The following CBFA2T3 variants were observed in gnomAD, a reference collection of about 807,000 sequenced individuals.
The protein encoded by CBFA2T3 is transcriptional corepressor CBFA2T3.
A neutral mutation model predicts 58.6 loss-of-function variants in CBFA2T3; 31 were observed. The observed-to-expected ratio is 0.53, with a 90% CI of 0.40 to 0.71. The LOEUF (loss-of-function observed/expected upper bound fraction) is 0.71, where lower values mean the gene tolerates loss of function less well. CBFA2T3 is among the 30% of genes least tolerant of loss of function. The probability of loss-of-function intolerance (pLI) is 0.00; values close to 1 mark genes in which losing one functional copy is unlikely to be tolerated. For missense variants in CBFA2T3, 1,076 were observed against 963.1 expected (o/e 1.12, Z -1.55); for synonymous variants, 531 against 421.9 (o/e 1.26, Z -3.17).
chr16:88,932,999 T>C (rs1053873760), intron 1 of CBFA2T3, among the ~76,000 whole-genome samples: 7 of 151,996 alleles, frequency 4.6e-5, no homozygotes, highest in Admixed American at 2.6e-4. Context: ...AAAAGAAAAA[T>C]GGCCTCTTGG....
rs1240019746 is a variant in CBFA2T3 at position 88,881,562 on chromosome 16, G to A, written c.1204-73C>T. The A allele has an allele frequency of 6.2e-5, 92 of 1,483,434 alleles. 1 individual carries two copies. The South Asian group carries it at 1.0e-3, about 17-fold the overall frequency. 91.9% of individuals were successfully genotyped at this position (1,483,434 alleles called of 1,614,324 possible). A position where few individuals can be genotyped will look rare whatever the true frequency, so the allele number is the denominator to read the frequency against. ...CACCAGACACTCCCCCAGCCCACTCGGCCAGAGCCCCGGACAGGATGGGTG... is the reference window on the plus strand; with the variant it reads ...CACCAGACACTCCCCCAGCCCACTCAGCCAGAGCCCCGGACAGGATGGGTG... On this transcript the variant is annotated intron_variant, in intron 8 of 11. Coordinates refer to ENST00000268679, the MANE Select transcript of CBFA2T3 (RefSeq NM_005187.6).
chr16:88,942,563 AG>A (rs1243262753), intron 1 of CBFA2T3, among the ~76,000 whole-genome samples: 20 of 152,048 alleles, frequency 1.3e-4, no homozygotes, highest in African/African-American at 4.1e-4. Context: ...GAGCTGGCAG[AG>A]GAAGGGGACG....
chr16:88,914,967 G>T (rs1218568040), intron 1 of CBFA2T3, among the ~76,000 whole-genome samples: 3 of 151,360 alleles, frequency 2.0e-5, no homozygotes, highest in African/African-American at 7.3e-5. Context: ...GCCGCCCGCT[G>T]CCGGGGCGGG....
At chr16:88,921,098 C>T (rs1196839195) in intron 1 of CBFA2T3, among the ~76,000 whole-genome samples, 1 of 152,250 alleles carries the variant, frequency 6.6e-6, no homozygotes. Flanking sequence ...GCCTGCCCGG[C>T]TCTCACAGGG....
chr16:88,890,124 C>A (rs1047480835), intron 5 of CBFA2T3, among the ~76,000 whole-genome samples: 2 of 152,074 alleles, frequency 1.3e-5, no homozygotes, highest in African/African-American at 4.8e-5. Context: ...GACGATGCCC[C>A]GCGTGAATCT....
chr16:88,920,435 C>G (rs556900539), intron 1 of CBFA2T3, among the ~76,000 whole-genome samples: 2 of 148,580 alleles, frequency 1.3e-5, no homozygotes, highest in Non-Finnish European at 3.0e-5. Context: ...CACCACCATA[C>G]CCGGCCAATT....
intron 1 of CBFA2T3, among the ~76,000 whole-genome samples, chr16:88,928,212 C>G (rs781687178): frequency 6.6e-6 from 1 of 152,234 alleles, no homozygotes; most frequent in Non-Finnish European, 1.5e-5. Context: ...GTGGTTTGTT[C>G]GGCAGCACTG....
chr16:88,976,973 C>T lies in CBFA2T3; in HGVS notation c.-166G>A. 2.7e-6 allele frequency: 2 copies of T among 751,466 alleles called. No homozygotes were observed. The highest frequency in any genetic ancestry group is 4.0e-5 in the South Asian group (2 of 49,584). 46.5% of individuals were successfully genotyped at this position (751,466 alleles called of 1,614,324 possible). On this transcript the variant is annotated 5_prime_UTR_variant, in exon 1 of 12. An upstream open reading frame in the 5' UTR gains an earlier in-frame stop. Transcript: ENST00000268679. Reference sequence around the variant, plus strand: ...GGAAAGCCGAGGCCCTCCCGGCCACCAACTGGGTGTCCTCTGCCCTGGGGA... The same window carrying T: ...GGAAAGCCGAGGCCCTCCCGGCCACTAACTGGGTGTCCTCTGCCCTGGGGA...
chr16:88,877,296 C>T, intron 11 of CBFA2T3, 21 bp from the exon 12 acceptor site: 1 of 1,531,532 alleles, frequency 6.5e-7, no homozygotes, highest in Non-Finnish European at 8.8e-7. Flanking sequence ...GCAGAGGGGC[C>T]AGTCAGGGCT....
intron 1 of CBFA2T3, among the ~76,000 whole-genome samples, chr16:88,944,061 G>A (rs1219875176): frequency 6.6e-6 from 1 of 152,110 alleles, no homozygotes; most frequent in Non-Finnish European, 1.5e-5. Context: ...ACCACGGCCG[G>A]GTGCGGTGGG....
At chr16:88,905,570 C>T (rs7186718) in intron 1 of CBFA2T3, among the ~76,000 whole-genome samples, 8,784 of 151,448 alleles carry the variant, frequency 0.058, 431 homozygotes, top group African/African-American at 0.14. Context: ...AGAGGAAATG[C>T]CTCTTTGGGT....
At chr16:88,925,274 C>T (rs527394251) in intron 1 of CBFA2T3, among the ~76,000 whole-genome samples, 3 of 152,332 alleles carry the variant, frequency 2.0e-5, no homozygotes, top group South Asian at 2.1e-4. Context: ...CAGCCGCAGC[C>T]GTGGTGGCAG....
rs544409126 is a variant in CBFA2T3, at chr16:88,924,379, G to A, written c.152-22723C>T. On this transcript the variant is annotated intron_variant, in intron 1 of 11. Transcript: ENST00000268679. ...CCCTGGGGCCGCCGACCACAAGGAG[G>A]CTAGACTCTGCTGAGACAAAAGGAG... 2.6e-5 allele frequency among the ~76,000 whole-genome samples: 4 copies of A among 152,340 alleles called. No homozygotes were observed. In the South Asian group the frequency reaches 8.3e-4, roughly 32 times the overall value.
intron 1 of CBFA2T3, among the ~76,000 whole-genome samples, chr16:88,944,426 T>C: frequency 6.6e-6 from 1 of 151,424 alleles, no homozygotes. Context: ...CATCAGCATC[T>C]GGTGCCCCGA....
intron 2 of CBFA2T3, among the ~76,000 whole-genome samples, chr16:88,901,085 C>T (rs7205714): frequency 0.025 from 3,875 of 152,360 alleles, 63 homozygotes; most frequent in African/African-American, 0.046. Flanking sequence ...TATGACCCTG[C>T]GGAAGCCCCT....
At chr16:88,959,140 G>A (rs763230687) in intron 1 of CBFA2T3, among the ~76,000 whole-genome samples, 4 of 152,188 alleles carry the variant, frequency 2.6e-5, no homozygotes, top group South Asian at 4.1e-4. Context: ...GCGCTGAATC[G>A]TGTGCCCCCG....
chr16:88,916,621 G>A (rs1197872817), intron 1 of CBFA2T3, among the ~76,000 whole-genome samples: 3 of 151,254 alleles, frequency 2.0e-5, no homozygotes, highest in African/African-American at 7.3e-5. Flanking sequence ...GAAGGAAGAA[G>A]GGCGGCCCCT....
rs79785669 is a variant in CBFA2T3 at position 88,962,753 on chromosome 16, G to A, written c.151+13904C>T. The stretch of plus-strand genomic sequence containing the variant: ...ACGAACATGGGTGTCTTTAGATGTC[G>A]CCTGGTGGGAAAACAGGGGGAGCAA... On this transcript the variant is annotated intron_variant, in intron 1 of 11. Transcript: ENST00000268679. Among the ~76,000 whole-genome samples, 1,418 of 152,292 alleles carry A rather than the reference G, an allele frequency of 9.3e-3. 27 individuals are homozygous for A. The highest frequency in any genetic ancestry group is 0.032 in the African/African-American group (1,348 of 41,552).
rs1442355234 is a variant in CBFA2T3, at chr16:88,875,159, G to T, written c.*1817C>A. 2 of 235,976 alleles carry T rather than the reference G, an allele frequency of 8.5e-6. No individual in the cohort carries two copies. The highest frequency in any genetic ancestry group is 1.7e-5 in the Non-Finnish European group (2 of 119,758). 14.6% of individuals were successfully genotyped at this position (235,976 alleles called of 1,614,324 possible). A position where few individuals can be genotyped will look rare whatever the true frequency, so the allele number is the denominator to read the frequency against. ...CACGGGCCACGCCACGCACACAGAT[G>T]CCAGGCCACGGGCCACACCACGCAC... On this transcript the variant is annotated 3_prime_UTR_variant, in exon 12 of 12. Coordinates refer to ENST00000268679, the MANE Select transcript of CBFA2T3 (RefSeq NM_005187.6).
Sources: gnomAD v4.1 joint callset for allele counts (sites outside exome capture counted in the v4.1 genomes callset) on GRCh38, gnomAD v4.1.1 for gene constraint, MANE v1.5 for transcripts, NCBI Gene and HGNC (gene_info 2026-07-23, HGNC 2026-07-21) for gene names.